The following TAF1 variants were observed in gnomAD, a reference collection of about 807,000 sequenced individuals.
TAF1 encodes the protein transcription initiation factor TFIID subunit 1.
In TAF1, 2 loss-of-function variants were observed where a neutral mutation model predicts 138.5. The observed-to-expected ratio is 0.01, with a 90% CI of 0.01 to 0.05. The LOEUF (loss-of-function observed/expected upper bound fraction) is 0.05. Ranked by LOEUF, TAF1 falls within the 10% of genes least tolerant of loss-of-function variation. The pLI is 1.00. For synonymous variants in TAF1, 437 were observed against 503.2 expected (o/e 0.87, Z 1.76); for missense variants, 709 against 1,478.0 (o/e 0.48, Z 8.53).
At chrX:71,449,086 G>A (rs1475640087) in intron 32 of TAF1, among the ~76,000 whole-genome samples, 1 of 111,062 alleles carries the variant, frequency 9.0e-6, no homozygotes, top group Non-Finnish European at 1.9e-5. Flanking sequence ...TCTGCCTCCC[G>A]GGTTCAAGCA....
At position 71,496,157 on chromosome X, in the gene TAF1, TC is replaced by T. The variant is rs2039391027; in HGVS notation, c.1367-32382del. 2.7e-5 allele frequency among the ~76,000 whole-genome samples: 3 copies of T among 112,403 alleles called. No individual in the cohort carries two copies. In the South Asian group the frequency reaches 1.1e-3, roughly 41 times the overall value. On this transcript the variant is annotated intron_variant and NMD_transcript_variant, in intron 13 of 14. Coordinates refer to the TAF1 transcript ENST00000373775. ...TCACTGAATACCCATTGTGTCTTTT[TC>T]CCTTAAACACCCAGGAGGAACCATC...
chrX:71,440,501 A>AT (rs1165587498), intron 32 of TAF1, among the ~76,000 whole-genome samples: 96 of 102,226 alleles, frequency 9.4e-4, no homozygotes, highest in African/African-American at 1.8e-3. Flanking sequence ...GCACTATTTC[A>AT]TTTTTTTTTT....
intron 32 of TAF1, among the ~76,000 whole-genome samples, chrX:71,439,903 T>C (rs1181421064): frequency 8.9e-6 from 1 of 111,899 alleles, no homozygotes; most frequent in African/African-American, 3.2e-5. Context: ...AACCAGGAAA[T>C]TTATATTGGT....
intron 12 of TAF1, among the ~76,000 whole-genome samples, 196 bp from the exon 13 acceptor site, chrX:71,383,766 G>A (rs758455033): frequency 8.9e-6 from 1 of 112,142 alleles, no homozygotes; most frequent in African/African-American, 3.2e-5. Context: ...TTGAAATCAC[G>A]GATGCAGAAC....
intron 1 of TAF1, 97 bp downstream of exon 1, chrX:71,366,591 C>T (rs982826655): frequency 2.1e-5 from 19 of 885,543 alleles, no homozygotes; most frequent in Non-Finnish European, 2.6e-5. Flanking sequence ...GCAGCGAGAA[C>T]AGGGCGCAGC....
rs1352850290 is a variant in TAF1 at position 71,454,362 on chromosome X, G to A, written c.4821+125G>A. 2.5e-5 allele frequency: 14 copies of A among 554,220 alleles called. No individual in the cohort carries two copies. The Admixed American group carries it at 3.8e-4, about 15-fold the overall frequency. The allele number at this position is 554,220 out of a possible 1,213,427, so 45.7% of individuals were successfully genotyped here. A position where few individuals can be genotyped will look rare whatever the true frequency, so the allele number is the denominator to read the frequency against. ...CTGGGACGTGTGGTCCCAGCTACTC[G>A]TCTGAGGTAGGAGAATCATTTGAGC... On this transcript the variant is annotated intron_variant, in intron 33 of 37. Transcript: ENST00000423759.
chrX:71,377,168 T>C lies in TAF1; in HGVS notation c.691T>C (p.Phe231Leu). The change falls in exon 5 of 38, where the codon TTT becomes CTT. Residue 231 changes from phenylalanine (F) to leucine (L), a missense_variant. Phe to Leu is a conservative substitution (Grantham distance 22, BLOSUM62 0). This residue lies in a region of TAF1 where 16 missense variants were observed against 42.1 expected (regional missense o/e 0.38). Transcript: ENST00000423759. ...GCTGTTGCCAAGTGTCACAGAACTT[T>C]TTCCAGAATTTCGACCTGGAAAGGT... ...TKLLPSVTEL[F>L]PEFRPGKVLR... is the part of the protein sequence containing the mutation. The C allele has an allele frequency of 1.7e-6, 2 of 1,211,460 alleles. No homozygotes were observed. Among genetic ancestry groups the C allele is most frequent in the Non-Finnish European group, 1.1e-6 (1 of 895,495 alleles).
At chrX:71,448,101 C>G (rs1477042441) in intron 32 of TAF1, among the ~76,000 whole-genome samples, 4 of 111,875 alleles carry the variant, frequency 3.6e-5, no homozygotes, top group African/African-American at 1.3e-4. Context: ...ATCTTTCATT[C>G]ATTTTGGTGT....
chrX:71,518,329 A>G (rs775630915), intron 13 of TAF1, among the ~76,000 whole-genome samples: 29 of 109,220 alleles, frequency 2.7e-4, no homozygotes, highest in African/African-American at 8.3e-4. Context: ...CACCATGCCC[A>G]GCTAATTTTT....
intron 28 of TAF1, chrX:71,420,662 G>C: frequency 8.5e-7 from 1 of 1,177,628 alleles, no homozygotes; most frequent in Non-Finnish European, 1.2e-6. Context: ...ATCCTCAATG[G>C]CGCTGTCTTC....
intron 32 of TAF1, among the ~76,000 whole-genome samples, chrX:71,453,482 T>C (rs754339882): frequency 9.6e-6 from 1 of 103,943 alleles, no homozygotes; most frequent in Non-Finnish European, 1.9e-5. Context: ...CATGATCATG[T>C]CACTGCATTC....
At chrX:71,378,667 G>A (rs2033652076) in intron 7 of TAF1, among the ~76,000 whole-genome samples, 157 bp from the exon 8 acceptor site, 1 of 111,552 alleles carries the variant, frequency 9.0e-6, no homozygotes, top group Admixed American at 9.6e-5. Context: ...TGCCAGACTA[G>A]GAGTGGGAAG....
At chrX:71,400,851 T>C (rs1383039763) in intron 24 of TAF1, among the ~76,000 whole-genome samples, 3 of 112,291 alleles carry the variant, frequency 2.7e-5, no homozygotes, top group African/African-American at 9.7e-5. Context: ...ATTAGATAAG[T>C]GTGATACAGT....
rs762020601 is a variant in TAF1, at chrX:71,487,236, G to T, written c.1366+26433G>T. On this transcript the variant is annotated intron_variant and NMD_transcript_variant, in intron 13 of 14. Coordinates refer to the TAF1 transcript ENST00000373775. ...TTTTTCTCTATGCTTCATTCCAATA[G>T]TTTCTATTATTATGCCTTCAAGTTC... Among the ~76,000 whole-genome samples, 97 of 99,591 alleles carry T rather than the reference G, an allele frequency of 9.7e-4. 1 individual carries two copies. The highest frequency in any genetic ancestry group is 3.4e-3 in the African/African-American group (92 of 27,156). 86.5% of individuals were successfully genotyped at this position (99,591 alleles called of 115,157 possible). A position where few individuals can be genotyped will look rare whatever the true frequency, so the allele number is the denominator to read the frequency against.
chrX:71,524,901 A>G (rs1160430250), intron 13 of TAF1, among the ~76,000 whole-genome samples: 3 of 102,604 alleles, frequency 2.9e-5, no homozygotes, highest in Non-Finnish European at 4.0e-5. Context: ...AGATCGCACC[A>G]CTGCACTCTA....
rs182665638 is a variant in TAF1 at position 71,426,932 on chromosome X, C to T, written c.4753+2694C>T. On this transcript the variant is annotated intron_variant, in intron 32 of 37. Coordinates refer to ENST00000423759, the MANE Select transcript of TAF1 (RefSeq NM_004606.5). ...AACAAATAGAAGAGGGAGCTAAGGA[C>T]GTTTGAGAGAATTATCTGGCGTACT... 3.1e-3 allele frequency among the ~76,000 whole-genome samples: 343 copies of T among 111,671 alleles called. 7 individuals are homozygous for T. In the Admixed American group the frequency reaches 0.032, roughly 10 times the overall value.
At chrX:71,458,435 G>A (rs937787739) in intron 35 of TAF1, 69 bp downstream of exon 35, 23 of 1,137,918 alleles carry the variant, frequency 2.0e-5, no homozygotes, top group Non-Finnish European at 2.5e-5. Context: ...GAATGGTGAT[G>A]GTGATGGTGA....
chrX:71,386,252 T>C (rs747172852), intron 14 of TAF1, among the ~76,000 whole-genome samples: 1 of 111,738 alleles, frequency 8.9e-6, no homozygotes, highest in African/African-American at 3.2e-5. Flanking sequence ...CCACACTCAG[T>C]GATGGTCTTC....
intron 13 of TAF1, among the ~76,000 whole-genome samples, chrX:71,515,758 C>T (rs755073938): frequency 5.4e-5 from 6 of 111,500 alleles, no homozygotes; most frequent in East Asian, 2.8e-4. Flanking sequence ...TCCCTCATCC[C>T]GGTGTATACA....
Sources: gnomAD v4.1 joint callset for allele counts (sites outside exome capture counted in the v4.1 genomes callset) on GRCh38, gnomAD v4.1.1 for gene constraint, gnomAD v4.1.1 regional missense constraint, MANE v1.5 for transcripts, NCBI Gene and HGNC (gene_info 2026-07-23, HGNC 2026-07-21) for gene names.